The following SLCO5A1 variants were observed in gnomAD, a reference collection of about 807,000 sequenced individuals.
SLCO5A1 encodes solute carrier organic anion transporter family member 5A1.
In SLCO5A1, 39 loss-of-function variants were observed where a neutral mutation model predicts 65.1. The observed-to-expected ratio is 0.60, with a 90% confidence interval of 0.46 to 0.78. The LOEUF is 0.78. Ranked by LOEUF, SLCO5A1 falls within the 30% of genes least tolerant of loss-of-function variation. The pLI is 0.00. For missense variants in SLCO5A1, 1,029 were observed against 1,069.4 expected (o/e 0.96, Z 0.53); for synonymous variants, 438 against 415.7 (o/e 1.05, Z -0.65).
chr8:69,741,298 A>T (rs1419625799), intron 4 of SLCO5A1, among the ~76,000 whole-genome samples: 3 of 152,226 alleles, frequency 2.0e-5, no homozygotes, highest in Non-Finnish European at 4.4e-5. Context: ...CATAAGTTCA[A>T]TGATAATGAA....
At chr8:69,772,469 C>T (rs894680049) in intron 2 of SLCO5A1, among the ~76,000 whole-genome samples, 5 of 150,584 alleles carry the variant, frequency 3.3e-5, no homozygotes, top group Middle Eastern at 3.4e-3. Context: ...GGGGTTGAGG[C>T]TGCAGTGAGC....
chr8:69,716,474 C>A (rs1023950612), intron 5 of SLCO5A1, among the ~76,000 whole-genome samples: 1 of 152,186 alleles, frequency 6.6e-6, no homozygotes. Flanking sequence ...ACATCTTCAC[C>A]AACTCTTGTT....
At chr8:69,704,512 G>T (rs897902099) in intron 6 of SLCO5A1, among the ~76,000 whole-genome samples, 25 of 152,070 alleles carry the variant, frequency 1.6e-4, no homozygotes, top group African/African-American at 5.6e-4. Context: ...TACAAAAGAG[G>T]GACAATTGAA....
intron 2 of SLCO5A1, among the ~76,000 whole-genome samples, chr8:69,793,069 C>T (rs547429449): frequency 6.6e-6 from 1 of 152,124 alleles, no homozygotes; most frequent in African/African-American, 2.4e-5. Context: ...GCAGCCTCCG[C>T]CTCCTGGGTT....
At chr8:69,800,521 A>C (rs2130902436) in intron 2 of SLCO5A1, among the ~76,000 whole-genome samples, 1 of 152,196 alleles carries the variant, frequency 6.6e-6, no homozygotes, top group South Asian at 2.1e-4. Flanking sequence ...TCCTAGGAAA[A>C]TCTCACCAAA....
chr8:69,792,850 C>T (rs1212346656), intron 2 of SLCO5A1, among the ~76,000 whole-genome samples: 2 of 151,852 alleles, frequency 1.3e-5, no homozygotes, highest in Non-Finnish European at 2.9e-5. Context: ...AAGCACTAAT[C>T]ATAGGACTTA....
intron 6 of SLCO5A1, among the ~76,000 whole-genome samples, chr8:69,691,879 G>C (rs1177024106): frequency 6.6e-6 from 1 of 152,178 alleles, no homozygotes; most frequent in African/African-American, 2.4e-5. Flanking sequence ...CGGCATATTT[G>C]TGTACTGAAT....
chr8:69,759,101 A>G (rs1164706591), intron 3 of SLCO5A1, among the ~76,000 whole-genome samples: 2 of 152,200 alleles, frequency 1.3e-5, no homozygotes, highest in East Asian at 3.8e-4. Flanking sequence ...GCTTGACACA[A>G]AATAAGCACC....
intron 2 of SLCO5A1, among the ~76,000 whole-genome samples, chr8:69,798,312 C>T (rs1267427158): frequency 6.6e-6 from 1 of 152,106 alleles, no homozygotes; most frequent in South Asian, 2.1e-4. Flanking sequence ...TCTTGCACTG[C>T]TCTAAAGAAA....
chr8:69,742,929 T>C (rs1193656908), intron 4 of SLCO5A1, among the ~76,000 whole-genome samples: 5 of 149,920 alleles, frequency 3.3e-5, no homozygotes, highest in African/African-American at 1.2e-4. Flanking sequence ...GCCTCCCAAG[T>C]AGCTGGGATT....
chr8:69,695,549 C>T (rs910482483), intron 6 of SLCO5A1, among the ~76,000 whole-genome samples: 1 of 151,700 alleles, frequency 6.6e-6, no homozygotes, highest in African/African-American at 2.4e-5. Flanking sequence ...GAGACATTGA[C>T]TTCTCTCTTT....
At chr8:69,822,779 C>G (rs770959857) in intron 2 of SLCO5A1, among the ~76,000 whole-genome samples, 3 of 152,194 alleles carry the variant, frequency 2.0e-5, no homozygotes, top group African/African-American at 2.4e-5. Context: ...CTGGGAGAAG[C>G]CAAGGGGTTT....
chr8:69,831,312 A>G (rs139585332), intron 2 of SLCO5A1, among the ~76,000 whole-genome samples: 2 of 152,204 alleles, frequency 1.3e-5, no homozygotes, highest in African/African-American at 2.4e-5. Context: ...GCAATAAAGC[A>G]TGATGTATGT....
chr8:69,699,081 G>C (rs1049578729), intron 6 of SLCO5A1, among the ~76,000 whole-genome samples: 3 of 152,150 alleles, frequency 2.0e-5, no homozygotes, highest in African/African-American at 4.8e-5. Flanking sequence ...AGAAAGAAGA[G>C]GCCCTTAGAC....
chr8:69,725,787 C>G (rs2959552), intron 5 of SLCO5A1, among the ~76,000 whole-genome samples: 13,866 of 152,260 alleles, frequency 0.091, 738 homozygotes, highest in African/African-American at 0.12. Flanking sequence ...ATAAGATGCA[C>G]TCAGTAGCAG....
intron 6 of SLCO5A1, among the ~76,000 whole-genome samples, chr8:69,690,648 A>C (rs893182419): frequency 6.6e-6 from 1 of 152,192 alleles, no homozygotes; most frequent in African/African-American, 2.4e-5. Context: ...GTATTTATTT[A>C]ATTTCTATAG....
intron 7 of SLCO5A1, 42 bp downstream of exon 7, chr8:69,682,142 G>T: frequency 6.4e-7 from 1 of 1,571,994 alleles, no homozygotes. Context: ...CTTGTCACAG[G>T]ATGTTGGACT....
chr8:69,702,277 C>T (rs2130807781), intron 6 of SLCO5A1, among the ~76,000 whole-genome samples: 1 of 152,366 alleles, frequency 6.6e-6, no homozygotes. Flanking sequence ...ACACATAACC[C>T]TTGCCCACAA....
chr8:69,686,252 C>A (rs1181473931), intron 6 of SLCO5A1, among the ~76,000 whole-genome samples: 2 of 112,844 alleles, frequency 1.8e-5, no homozygotes, highest in Admixed American at 8.1e-5. Flanking sequence ...GAGAGAAGAC[C>A]TCTTTAGCAA....
Sources: allele counts gnomAD v4.1 joint callset (sites outside exome capture counted in the v4.1 genomes callset), GRCh38; gene constraint gnomAD v4.1.1; transcripts MANE v1.5; gene names NCBI Gene and HGNC (gene_info 2026-07-23, HGNC 2026-07-21).